LRRC40: variants seen among roughly 807,000 people sequenced by gnomAD.
The protein encoded by LRRC40 is leucine rich repeat containing 40, also known as leucine-rich repeat-containing protein 40.
In LRRC40, 76 loss-of-function variants were observed where a neutral mutation model predicts 72.8. The ratio of observed to expected loss-of-function variants is 1.04; its 90% CI spans 0.87 to 1.26. The LOEUF is 1.26. Ranked by LOEUF, LRRC40 falls within the 50% of genes most tolerant of loss-of-function variation. The probability of loss-of-function intolerance (pLI) is 0.00; values close to 1 mark genes in which losing one functional copy is unlikely to be tolerated. For synonymous variants in LRRC40, 243 were observed against 254.2 expected (o/e 0.96, Z 0.42); for missense variants, 684 against 698.9 (o/e 0.98, Z 0.24).
Position 70,145,515 on chromosome 1 carries a change from A to G in LRRC40, c.*285T>C. 1 of 204,606 alleles carries G rather than the reference A, an allele frequency of 4.9e-6. No individual in the cohort carries two copies. The highest frequency in any genetic ancestry group is 1.1e-4 in the East Asian group (1 of 9,384). The allele number at this position is 204,606 out of a possible 1,614,324, so 12.7% of individuals were successfully genotyped here. A position where few individuals can be genotyped will look rare whatever the true frequency, so the allele number is the denominator to read the frequency against. ...CTATAAGAAAATGAAAGTTAGCAGGATAAATCATAAGCAAAACATTTAGAA... is the reference window on the plus strand; with the variant it reads ...CTATAAGAAAATGAAAGTTAGCAGGGTAAATCATAAGCAAAACATTTAGAA... On this transcript the variant is annotated 3_prime_UTR_variant, in exon 15 of 15. Transcript: ENST00000370952.
intron 9 of LRRC40, among the ~76,000 whole-genome samples, chr1:70,165,271 A>C (rs1463238194): frequency 6.6e-6 from 1 of 152,226 alleles, no homozygotes; most frequent in Non-Finnish European, 1.5e-5. Context: ...CATTGCAGAA[A>C]GTTTATCTAA....
In LRRC40 at chr1:70,157,010, T is replaced by C. The variant is rs1359090457; in HGVS notation, c.1221-1214A>G. Reference sequence around the variant, plus strand: ...TTTTTAATGTAATAATTAGCCATTATCCTTACATTCTTCTTTTAAAATTAT... The same window carrying C: ...TTTTTAATGTAATAATTAGCCATTACCCTTACATTCTTCTTTTAAAATTAT... On this transcript the variant is annotated intron_variant, in intron 10 of 14. Coordinates refer to ENST00000370952, the MANE Select transcript of LRRC40 (RefSeq NM_017768.5). Among the ~76,000 whole-genome samples the C allele has an allele frequency of 4.6e-5, 7 of 152,234 alleles. No individual in the cohort carries two copies. In the East Asian group the frequency reaches 1.3e-3, roughly 29 times the overall value.
intron 1 of LRRC40, among the ~76,000 whole-genome samples, chr1:70,196,399 A>C (rs1239727493): frequency 6.6e-6 from 1 of 152,092 alleles, no homozygotes; most frequent in African/African-American, 2.4e-5. Flanking sequence ...AAAACAAAAA[A>C]ATTAGCCAGG....
At chr1:70,154,492 C>T (rs1667594214) in intron 11 of LRRC40, among the ~76,000 whole-genome samples, 1 of 152,174 alleles carries the variant, frequency 6.6e-6, no homozygotes, top group Non-Finnish European at 1.5e-5. Flanking sequence ...AATCTAAATG[C>T]TCAATTCTAT....
intron 9 of LRRC40, among the ~76,000 whole-genome samples, chr1:70,160,190 C>T (rs775973352): frequency 9.2e-5 from 14 of 151,970 alleles, no homozygotes; most frequent in Non-Finnish European, 1.8e-4. Context: ...AATGTGAAAA[C>T]GATGAAACAG....
intron 12 of LRRC40, 127 bp from the exon 13 acceptor site, chr1:70,151,332 AT>A: frequency 1.6e-6 from 1 of 614,698 alleles, no homozygotes; most frequent in South Asian, 2.0e-5. Context: ...ATCTGACTTT[AT>A]AAAGGCTGAG....
rs1340855884 is a variant in LRRC40 at position 70,144,958 on chromosome 1, G to C, written c.*842C>G. On this transcript the variant is annotated 3_prime_UTR_variant, in exon 15 of 15. Transcript: ENST00000370952. ...ATGCTACTGAATTGACTTCTTAATAGAATCATATGGTAAGTGTTATAATGA... is the reference window on the plus strand; with the variant it reads ...ATGCTACTGAATTGACTTCTTAATACAATCATATGGTAAGTGTTATAATGA... 1.3e-5 allele frequency: 2 copies of C among 151,960 alleles called. No individual in the cohort carries two copies. The highest frequency in any genetic ancestry group is 2.9e-5 in the Non-Finnish European group (2 of 67,996). 9.4% of individuals were successfully genotyped at this position (151,960 alleles called of 1,614,324 possible).
chr1:70,171,017 A>T (rs1449880586), intron 9 of LRRC40, among the ~76,000 whole-genome samples: 1 of 152,198 alleles, frequency 6.6e-6, no homozygotes, highest in Non-Finnish European at 1.5e-5. Flanking sequence ...CATATAGATC[A>T]ACAGAATAAA....
intron 13 of LRRC40, 98 bp from the exon 14 acceptor site, chr1:70,148,770 T>C (rs1286766550): frequency 1.5e-6 from 1 of 680,678 alleles, no homozygotes; most frequent in Non-Finnish European, 2.3e-6. Context: ...AGTTTTTTCT[T>C]TAGTGTATGT....
At chr1:70,202,285 A>G (rs886419875) in intron 1 of LRRC40, among the ~76,000 whole-genome samples, 1 of 152,240 alleles carries the variant, frequency 6.6e-6, no homozygotes, top group African/African-American at 2.4e-5. Flanking sequence ...AACTGGAAGT[A>G]TCCAAGATGT....
chr1:70,196,717 C>G (rs1220753997), intron 1 of LRRC40, among the ~76,000 whole-genome samples: 1 of 152,034 alleles, frequency 6.6e-6, no homozygotes, highest in Non-Finnish European at 1.5e-5. Context: ...AAAAGCAGAT[C>G]CGTAGTTATG....
chr1:70,148,910 T>C (rs1355804389), intron 13 of LRRC40, among the ~76,000 whole-genome samples: 2 of 152,196 alleles, frequency 1.3e-5, no homozygotes, highest in African/African-American at 2.4e-5. Context: ...TTGTATAAAA[T>C]CAGCAAAACT....
chr1:70,163,964 G>A (rs1357081997), intron 9 of LRRC40, among the ~76,000 whole-genome samples: 3 of 152,092 alleles, frequency 2.0e-5, no homozygotes, highest in Non-Finnish European at 4.4e-5. Flanking sequence ...CAATTGTGAA[G>A]GCTGAGAAGT....
At chr1:70,190,416 C>A (rs1668467204) in intron 1 of LRRC40, among the ~76,000 whole-genome samples, 1 of 151,806 alleles carries the variant, frequency 6.6e-6, no homozygotes, top group African/African-American at 2.4e-5. Flanking sequence ...TGTAGTGCCT[C>A]AGGGCTATAA....
chr1:70,172,858 GT>G (rs1668026982), intron 9 of LRRC40, among the ~76,000 whole-genome samples: 2 of 151,598 alleles, frequency 1.3e-5, no homozygotes, highest in South Asian at 4.2e-4. Flanking sequence ...TTTTGGAGTG[GT>G]TTGTTTCTTA....
chr1:70,148,329 A>T (rs1667367393), intron 14 of LRRC40, among the ~76,000 whole-genome samples, 158 bp downstream of exon 14: 1 of 152,192 alleles, frequency 6.6e-6, no homozygotes, highest in Non-Finnish European at 1.5e-5. Context: ...AAAATTTGAA[A>T]AACAGAATTG....
intron 9 of LRRC40, among the ~76,000 whole-genome samples, chr1:70,164,345 G>A (rs546073520): frequency 1.1e-4 from 17 of 152,110 alleles, no homozygotes; most frequent in Admixed American, 2.6e-4. Flanking sequence ...AGCCGAGATC[G>A]CGACATTGCA....
intron 5 of LRRC40, 94 bp from the exon 6 acceptor site, chr1:70,179,087 G>A (rs760122521): frequency 7.2e-5 from 44 of 613,980 alleles, no homozygotes; most frequent in Non-Finnish European, 1.0e-4. Context: ...AAATCGCTAT[G>A]AGGACTTATG....
chr1:70,148,545 G>A lies in LRRC40; in HGVS notation c.1645C>T (p.Leu549Phe). ...KMMENLTTLD[L>F]QNNDLLQIPP... ...ATTTGTAAGAGGTCATTATTTTGAA[G>A]GTCCAACGTGGTCAGATTTTCCATC... The change falls in exon 14 of 15, where the codon CTT (leucine) becomes TTT (phenylalanine). Residue 549 changes from leucine (L) to phenylalanine (F), a missense_variant. Physicochemically the swap from Leu to Phe is conservative, Grantham distance 22. Transcript: ENST00000370952. The A allele has an allele frequency of 6.2e-7, 1 of 1,613,418 alleles. No homozygotes were observed. The highest frequency in any genetic ancestry group is 8.5e-7 in the Non-Finnish European group (1 of 1,179,584).
Sources: allele counts gnomAD v4.1 joint callset (sites outside exome capture counted in the v4.1 genomes callset), GRCh38; gene constraint gnomAD v4.1.1; transcripts MANE v1.5; gene names NCBI Gene and HGNC (gene_info 2026-07-23, HGNC 2026-07-21).